TMEM135: variants seen among roughly 807,000 people sequenced by gnomAD.
The protein encoded by TMEM135 is transmembrane protein 135.
In TMEM135, 30 loss-of-function variants were observed where a neutral mutation model predicts 60.3. The observed-to-expected ratio is 0.50, with a 90% CI of 0.37 to 0.68. The LOEUF (loss-of-function observed/expected upper bound fraction) is 0.68. TMEM135 is among the 30% of genes least tolerant of loss of function. TMEM135 has a pLI of 0.00. For synonymous variants in TMEM135, 190 were observed against 186.7 expected (o/e 1.02, Z -0.14); for missense variants, 468 against 548.8 (o/e 0.85, Z 1.47).
At chr11:87,144,958 A>G (rs1938372023) in intron 4 of TMEM135, among the ~76,000 whole-genome samples, 1 of 152,154 alleles carries the variant, frequency 6.6e-6, no homozygotes, top group African/African-American at 2.4e-5. Flanking sequence ...TTTTGTGGCA[A>G]GAACATTTGA....
intron 6 of TMEM135, among the ~76,000 whole-genome samples, chr11:87,244,520 A>G (rs1196894981): frequency 1.1e-5 from 1 of 93,100 alleles, no homozygotes; most frequent in Admixed American, 9.6e-5. Context: ...TATTGCCACA[A>G]TTTCAGAGCC....
chr11:87,249,562 C>G (rs890374695), intron 6 of TMEM135, among the ~76,000 whole-genome samples: 1 of 152,104 alleles, frequency 6.6e-6, no homozygotes, highest in African/African-American at 2.4e-5. Flanking sequence ...TAAAGGTTTT[C>G]TGTTTTTTTG....
At position 87,102,704 on chromosome 11, in the gene TMEM135, GTATATATATGTATA is replaced by G. The variant is rs1181359628; in HGVS notation, c.396+11331_396+11344del. 5.3e-3 allele frequency among the ~76,000 whole-genome samples: 699 copies of G among 131,644 alleles called. 7 individuals are homozygous for G. The highest frequency in any genetic ancestry group is 0.015 in the Middle Eastern group (4 of 266). 86.4% of individuals were successfully genotyped at this position (131,644 alleles called of 152,430 possible). A position where few individuals can be genotyped will look rare whatever the true frequency, so the allele number is the denominator to read the frequency against. On this transcript the variant is annotated intron_variant, in intron 4 of 14. Coordinates refer to ENST00000305494, the MANE Select transcript of TMEM135 (RefSeq NM_022918.4). ...TATATATGTGTGTGTATATATATAT[GTATATATATGTATA>G]TATATATATGTATATATATATGTAT...
chr11:87,063,095 A>T lies in TMEM135; in HGVS notation c.142-4599A>T, dbSNP rs563772483. 5.3e-5 allele frequency among the ~76,000 whole-genome samples: 8 copies of T among 152,352 alleles called. No individual in the cohort carries two copies. In the South Asian group the frequency reaches 1.7e-3, roughly 32 times the overall value. On this transcript the variant is annotated intron_variant, in intron 1 of 14. Transcript: ENST00000305494. ...CTGGAACGTATCCAAAAGTGAAAAGAAGAAAATTAAAATAATCTATTATCA... is the reference window on the plus strand; with the variant it reads ...CTGGAACGTATCCAAAAGTGAAAAGTAGAAAATTAAAATAATCTATTATCA...
intron 4 of TMEM135, among the ~76,000 whole-genome samples, chr11:87,140,199 C>T (rs935915911): frequency 3.3e-5 from 5 of 152,066 alleles, no homozygotes; most frequent in African/African-American, 1.2e-4. Context: ...TCTGAAGTAG[C>T]TGGGACTACA....
intron 3 of TMEM135, among the ~76,000 whole-genome samples, chr11:87,089,908 TTTA>T (rs1359300505): frequency 6.6e-6 from 1 of 152,166 alleles, no homozygotes; most frequent in African/African-American, 2.4e-5. Flanking sequence ...TACAAGTGAT[TTTA>T]TTATTATTTT....
At chr11:87,137,879 T>C (rs1259376789) in intron 4 of TMEM135, among the ~76,000 whole-genome samples, 2 of 152,114 alleles carry the variant, frequency 1.3e-5, no homozygotes, top group Non-Finnish European at 2.9e-5. Flanking sequence ...TAGAGCCAGA[T>C]GACTGCTCTC....
chr11:87,135,074 A>G (rs1938051974), intron 4 of TMEM135, among the ~76,000 whole-genome samples: 1 of 152,210 alleles, frequency 6.6e-6, no homozygotes, highest in Non-Finnish European at 1.5e-5. Flanking sequence ...TGCATATTTT[A>G]AAATTGGATT....
At chr11:87,312,464 G>T (rs899614955) in intron 10 of TMEM135, among the ~76,000 whole-genome samples, 2 of 151,606 alleles carry the variant, frequency 1.3e-5, no homozygotes, top group African/African-American at 2.4e-5. Context: ...ACGATATGTT[G>T]TTACTATTTT....
At chr11:87,246,538 G>T (rs1321909679) in intron 6 of TMEM135, among the ~76,000 whole-genome samples, 3 of 152,130 alleles carry the variant, frequency 2.0e-5, no homozygotes, top group Admixed American at 6.5e-5. Context: ...TTTCTTGGAG[G>T]CTTTGTTCGT....
chr11:87,282,505 A>G (rs765165262), intron 6 of TMEM135, among the ~76,000 whole-genome samples: 6 of 152,186 alleles, frequency 3.9e-5, no homozygotes, highest in Non-Finnish European at 8.8e-5. Context: ...CTCTCAGGTG[A>G]TCCACTCGCC....
chr11:87,086,713 G>A (rs764444539), intron 3 of TMEM135, among the ~76,000 whole-genome samples: 1 of 152,204 alleles, frequency 6.6e-6, no homozygotes, highest in South Asian at 2.1e-4. Context: ...GAAAGGGTAG[G>A]TATATGTAAA....
At chr11:87,129,115 G>A (rs777642095) in intron 4 of TMEM135, among the ~76,000 whole-genome samples, 4 of 147,904 alleles carry the variant, frequency 2.7e-5, no homozygotes, top group East Asian at 2.0e-4. Context: ...TACTTTGCTC[G>A]TAAAAAAAAC....
At chr11:87,202,406 A>G (rs963895167) in intron 5 of TMEM135, among the ~76,000 whole-genome samples, 3 of 151,990 alleles carry the variant, frequency 2.0e-5, no homozygotes, top group African/African-American at 4.8e-5. Flanking sequence ...GCTTACTGCA[A>G]CCTCTGCCTC....
chr11:87,253,064 C>T (rs867393607), intron 6 of TMEM135, among the ~76,000 whole-genome samples: 5 of 152,090 alleles, frequency 3.3e-5, no homozygotes, highest in African/African-American at 9.6e-5. Context: ...TGTGAGAATA[C>T]AAAGCTTATT....
intron 4 of TMEM135, among the ~76,000 whole-genome samples, chr11:87,098,765 T>TGCA (rs1857387662): frequency 6.6e-6 from 1 of 152,100 alleles, no homozygotes; most frequent in Non-Finnish European, 1.5e-5. Flanking sequence ...GTCGGCTCAC[T>TGCA]GCAAGCTCCG....
chr11:87,259,424 C>T (rs1031712101), intron 6 of TMEM135, among the ~76,000 whole-genome samples: 1 of 151,098 alleles, frequency 6.6e-6, no homozygotes, highest in African/African-American at 2.4e-5. Context: ...AGCGGGAATA[C>T]ACACACACAC....
chr11:87,327,999 C>T lies in TMEM135; in HGVS notation c.*6666C>T. 2.2e-6 allele frequency: 1 copy of T among 454,050 alleles called. No homozygotes were observed. Among genetic ancestry groups the T allele is most frequent in the Non-Finnish European group, 4.4e-6 (1 of 226,770 alleles). The allele number at this position is 454,050 out of a possible 1,614,324, so 28.1% of individuals were successfully genotyped here. ...TCCACGCTAACTCACATGCCAATCTCCTCTGGAAACACCCTCACAGACACA... is the reference window on the plus strand; with the variant it reads ...TCCACGCTAACTCACATGCCAATCTTCTCTGGAAACACCCTCACAGACACA... On this transcript the variant is annotated 3_prime_UTR_variant, in exon 15 of 15. Coordinates refer to ENST00000305494, the MANE Select transcript of TMEM135 (RefSeq NM_022918.4).
chr11:87,241,712 A>G (rs959831796), intron 6 of TMEM135, among the ~76,000 whole-genome samples: 1 of 151,850 alleles, frequency 6.6e-6, no homozygotes, highest in African/African-American at 2.4e-5. Flanking sequence ...GTCTATCTCC[A>G]TGAGTTCAAT....
Sources: allele counts gnomAD v4.1 joint callset (sites outside exome capture counted in the v4.1 genomes callset), GRCh38; gene constraint gnomAD v4.1.1; transcripts MANE v1.5; gene names NCBI Gene and HGNC (gene_info 2026-07-23, HGNC 2026-07-21).